FAM9C: variants seen among roughly 807,000 people sequenced by gnomAD.
FAM9C encodes the protein family with sequence similarity 9 member C.
A neutral mutation model predicts 14.8 loss-of-function variants in FAM9C; 15 were observed. The ratio of observed to expected loss-of-function variants is 1.02; its 90% CI spans 0.68 to 1.56. FAM9C has a LOEUF of 1.56. FAM9C is among the 40% of genes most tolerant of loss of function. The pLI is 0.00. For missense variants in FAM9C, 116 were observed against 118.0 expected, an observed-to-expected ratio of 0.98 and a Z score of 0.08; for synonymous variants, 45 against 37.5, an observed-to-expected ratio of 1.20 and a Z score of -0.74.
chrX:13,042,665 A>T, intron 4 of FAM9C: 1 of 415,337 alleles, frequency 2.4e-6, no homozygotes, highest in Non-Finnish European at 4.2e-6. Context: ...ATATCCCCCA[A>T]ACAATTAAAT....
chrX:13,039,000 A>C (rs2043502611), intron 6 of FAM9C, among the ~76,000 whole-genome samples: 1 of 111,175 alleles, frequency 9.0e-6, no homozygotes, highest in African/African-American at 3.3e-5. Flanking sequence ...AAATTTTGTC[A>C]TTCCCAGTGA....
intron 1 of FAM9C, among the ~76,000 whole-genome samples, chrX:13,044,190 G>A (rs1331544716): frequency 8.9e-6 from 1 of 112,018 alleles, no homozygotes; most frequent in Non-Finnish European, 1.9e-5. Context: ...GGAATGAGCC[G>A]GTACGCACCT....
intron 7 of FAM9C, chrX:13,036,960 A>G (rs1373906447): frequency 8.9e-6 from 1 of 111,914 alleles, no homozygotes; most frequent in Non-Finnish European, 1.9e-5. Context: ...AGGGAAGAGC[A>G]TGAGCAAAGC....
chrX:13,039,953 A>G, intron 5 of FAM9C, 37 bp from the exon 6 acceptor site: 1 of 1,088,548 alleles, frequency 9.2e-7, no homozygotes. Flanking sequence ...CATACGTCAT[A>G]GAGGGATGAA....
intron 2 of FAM9C, 94 bp downstream of exon 2, chrX:13,043,635 C>T: frequency 9.4e-7 from 1 of 1,063,803 alleles, no homozygotes; most frequent in Non-Finnish European, 1.3e-6. Flanking sequence ...ACGAAGGGGC[C>T]GGGGGCCTCG....
In FAM9C at chrX:13,040,892, G is replaced by T. The variant is rs758981309; in HGVS notation, c.215-20C>A. Reference sequence around the variant, plus strand: ...TGTCAGCTAGATAGTAAATGAATATGCATTAAATGTTCATGTTGAAAAGTA... The same window carrying T: ...TGTCAGCTAGATAGTAAATGAATATTCATTAAATGTTCATGTTGAAAAGTA... On this transcript the variant is annotated intron_variant, in intron 4 of 7. Transcript: ENST00000380625. 8.2e-6 allele frequency: 8 copies of T among 972,965 alleles called. No individual in the cohort carries two copies. In the South Asian group the frequency reaches 1.0e-4, roughly 12 times the overall value. The allele number at this position is 972,965 out of a possible 1,213,427, so 80.2% of individuals were successfully genotyped here.
intron 4 of FAM9C, 155 bp from the exon 5 acceptor site, chrX:13,041,027 C>T: frequency 2.9e-6 from 1 of 345,233 alleles, no homozygotes; most frequent in Non-Finnish European, 4.9e-6. Context: ...GATTTACTTA[C>T]TTTATGTAAA....
chrX:13,038,357 TA>T, intron 7 of FAM9C, 58 bp downstream of exon 7: 1 of 931,591 alleles, frequency 1.1e-6, no homozygotes, highest in Admixed American at 3.5e-5. Flanking sequence ...GATTGTCTTC[TA>T]TTTTTATGCA....
intron 1 of FAM9C, among the ~76,000 whole-genome samples, chrX:13,044,232 C>G (rs944133371): frequency 1.8e-5 from 2 of 111,586 alleles, no homozygotes; most frequent in African/African-American, 6.5e-5. Flanking sequence ...TGCCCATTCG[C>G]CAGCCTGGAC....
chrX:13,038,506 A>G lies in FAM9C; in HGVS notation c.439-3T>C. The G allele has an allele frequency of 8.3e-7, 1 of 1,203,336 alleles. No individual in the cohort carries two copies. The highest frequency in any genetic ancestry group is 1.1e-6 in the Non-Finnish European group (1 of 891,790). ...TTTTGTTGCTCTTGAAATATTTTCT[A>G]GAGGCACAAAACAAAAAAGTGATTA... On this transcript the variant is annotated splice_region_variant and splice_polypyrimidine_tract_variant and intron_variant, in intron 6 of 7. Coordinates refer to ENST00000380625, the MANE Select transcript of FAM9C (RefSeq NM_174901.6).
chrX:13,038,542 A>G, intron 6 of FAM9C, 39 bp from the exon 7 acceptor site: 1 of 1,110,484 alleles, frequency 9.0e-7, no homozygotes, highest in Non-Finnish European at 1.2e-6. Context: ...AAATTGGGTA[A>G]ATTTTAATAC....
At chrX:13,040,383 C>T (rs1051276505) in intron 5 of FAM9C, 66 of 598,750 alleles carry the variant, frequency 1.1e-4, no homozygotes, top group Non-Finnish European at 1.2e-4. Flanking sequence ...AAATAAATAA[C>T]TTATTTACAA....
chrX:13,043,635 C>G, intron 2 of FAM9C, 94 bp downstream of exon 2: 1 of 1,063,803 alleles, frequency 9.4e-7, no homozygotes, highest in Non-Finnish European at 1.3e-6. Flanking sequence ...ACGAAGGGGC[C>G]GGGGGCCTCG....
chrX:13,044,295 C>A (rs1238963937), intron 1 of FAM9C, among the ~76,000 whole-genome samples: 3 of 107,281 alleles, frequency 2.8e-5, no homozygotes, highest in African/African-American at 1.0e-4. Context: ...GGCAGCCAGA[C>A]AAGACGGACC....
chrX:13,036,822 A>T (rs1322946753), intron 7 of FAM9C: 3 of 112,263 alleles, frequency 2.7e-5, no homozygotes, highest in African/African-American at 6.5e-5. Flanking sequence ...AAATAATACA[A>T]AACTTATGTA....
chrX:13,040,993 T>A (rs189715806), intron 4 of FAM9C, 121 bp from the exon 5 acceptor site: 1 of 372,637 alleles, frequency 2.7e-6, no homozygotes, highest in Admixed American at 5.9e-5. Flanking sequence ...AAATGTAAAA[T>A]GCAAAGATCA....
chrX:13,041,650 G>A (rs935290423), intron 4 of FAM9C: 3 of 112,197 alleles, frequency 2.7e-5, no homozygotes, highest in Non-Finnish European at 5.6e-5. Flanking sequence ...AATAGTTGAT[G>A]CTATTAACTA....
rs1217162884 is a variant in FAM9C, at chrX:13,043,888, T to C, written c.-68-31A>G. The C allele has an allele frequency of 5.8e-6, 5 of 868,588 alleles. No individual in the cohort carries two copies. The East Asian group carries it at 1.6e-4, about 28-fold the overall frequency. 71.6% of individuals were successfully genotyped at this position (868,588 alleles called of 1,213,427 possible). ...GAGTGCAAAGACACACTAAGGACAC[T>C]AAGGAAACGAGGCGTGTTAAATGAA... On this transcript the variant is annotated intron_variant, in intron 1 of 7. Transcript: ENST00000380625.
Position 13,043,861 on chromosome X carries a change from G to A in FAM9C, c.-68-4C>T. ...AAGCTAGAGGCGACCTCTGAACCTG[G>A]TGAGTGCAAAGACACACTAAGGACA... On this transcript the variant is annotated splice_polypyrimidine_tract_variant and splice_region_variant and intron_variant, in intron 1 of 7. Transcript: ENST00000380625. 1.9e-6 allele frequency: 2 copies of A among 1,036,263 alleles called. No individual in the cohort carries two copies. The highest frequency in any genetic ancestry group is 1.4e-6 in the Non-Finnish European group (1 of 737,862). The allele number at this position is 1,036,263 out of a possible 1,213,427, so 85.4% of individuals were successfully genotyped here.
Sources: allele counts gnomAD v4.1 joint callset (sites outside exome capture counted in the v4.1 genomes callset), GRCh38; gene constraint gnomAD v4.1.1; transcripts MANE v1.5; gene names NCBI Gene and HGNC (gene_info 2026-07-23, HGNC 2026-07-21).